CUL1: variants seen among roughly 807,000 people sequenced by gnomAD.
CUL1 encodes cullin 1.
Under a neutral mutation model 118.0 loss-of-function variants are expected in CUL1, and 24 were observed. That is an observed-to-expected ratio of 0.20 (90% CI 0.15 to 0.29). The LOEUF (loss-of-function observed/expected upper bound fraction) is 0.29, where lower values mean the gene tolerates loss of function less well. Ranked by LOEUF, CUL1 falls within the 10% of genes least tolerant of loss-of-function variation. The pLI is 1.00. For missense variants in CUL1, 361 were observed against 933.8 expected, an observed-to-expected ratio of 0.39 and a Z score of 7.99; for synonymous variants, 332 against 340.4, an observed-to-expected ratio of 0.98 and a Z score of 0.27.
intron 2 of CUL1, among the ~76,000 whole-genome samples, chr7:148,742,967 T>A (rs982199996): frequency 1.3e-5 from 2 of 152,238 alleles, no homozygotes; most frequent in African/African-American, 4.8e-5. Flanking sequence ...TTTTTAGCCT[T>A]ATTCTGCAAA....
intron 2 of CUL1, among the ~76,000 whole-genome samples, chr7:148,741,137 G>A (rs1799126002): frequency 6.6e-6 from 1 of 151,834 alleles, no homozygotes; most frequent in Non-Finnish European, 1.5e-5. Context: ...ACCACATTTT[G>A]TTTATCCATT....
At chr7:148,764,722 G>A (rs1013247134) in intron 7 of CUL1, among the ~76,000 whole-genome samples, 8 of 152,188 alleles carry the variant, frequency 5.3e-5, no homozygotes, top group Non-Finnish European at 1.2e-4. Flanking sequence ...TGGAACATTA[G>A]ATATAAAGCA....
At chr7:148,765,186 T>C (rs1241805285) in intron 7 of CUL1, among the ~76,000 whole-genome samples, 1 of 152,244 alleles carries the variant, frequency 6.6e-6, no homozygotes, top group African/African-American at 2.4e-5. Flanking sequence ...GGTTCTGACT[T>C]ACGTGGTTTA....
intron 3 of CUL1, among the ~76,000 whole-genome samples, chr7:148,756,677 G>T (rs1441557200): frequency 6.6e-6 from 1 of 151,972 alleles, no homozygotes; most frequent in African/African-American, 2.4e-5. Context: ...AGATGATTTT[G>T]TGGTATATTT....
intron 2 of CUL1, among the ~76,000 whole-genome samples, chr7:148,734,090 T>C (rs1185423005): frequency 1.3e-5 from 2 of 152,188 alleles, no homozygotes; most frequent in South Asian, 2.1e-4. Flanking sequence ...AGATCCACTT[T>C]AGTTAACTTG....
chr7:148,741,563 C>T lies in CUL1; in HGVS notation c.140+11301C>T, dbSNP rs138288659. On this transcript the variant is annotated intron_variant, in intron 2 of 21. Coordinates refer to ENST00000325222, the MANE Select transcript of CUL1 (RefSeq NM_003592.3). ...AAGCGATTCTCCTGCCTCAGCCTCC[C>T]GAGTAGCTGGAACCGCAGGTGTGCA... Among the ~76,000 whole-genome samples the T allele has an allele frequency of 9.9e-3, 1,508 of 152,068 alleles. 26 individuals are homozygous for T. The highest frequency in any genetic ancestry group is 0.034 in the African/African-American group (1,424 of 41,394).
chr7:148,761,590 T>G (rs576750284), intron 7 of CUL1, among the ~76,000 whole-genome samples: 1 of 152,214 alleles, frequency 6.6e-6, no homozygotes. Flanking sequence ...AGCAAACTTA[T>G]CTTGTAAAGG....
At chr7:148,792,918 T>C (rs1801066026) in intron 17 of CUL1, 100 bp downstream of exon 17, 1 of 773,792 alleles carries the variant, frequency 1.3e-6, no homozygotes. Context: ...GCATCTTTAA[T>C]TTGAAATAGA....
chr7:148,790,522 C>G, intron 16 of CUL1, 81 bp downstream of exon 16: 2 of 1,229,678 alleles, frequency 1.6e-6, no homozygotes, highest in Non-Finnish European at 2.3e-6. Context: ...TCAGCTGACT[C>G]AGCAGCAGAA....
intron 21 of CUL1, among the ~76,000 whole-genome samples, chr7:148,799,855 G>A (rs1801330281): frequency 6.6e-6 from 1 of 152,180 alleles, no homozygotes; most frequent in African/African-American, 2.4e-5. Flanking sequence ...GCACTGGGTC[G>A]TTTTTGTTGC....
At chr7:148,795,338 C>G (rs538485881) in intron 17 of CUL1, among the ~76,000 whole-genome samples, 1 of 151,408 alleles carries the variant, frequency 6.6e-6, no homozygotes, top group Non-Finnish European at 1.5e-5. Flanking sequence ...CACTGTGTTG[C>G]CCAGATTGGT....
chr7:148,767,974 T>A (rs1257800353), intron 9 of CUL1, among the ~76,000 whole-genome samples: 1 of 152,220 alleles, frequency 6.6e-6, no homozygotes, highest in East Asian at 1.9e-4. Flanking sequence ...TAATGTTATT[T>A]TTTTTTTCCT....
Position 148,764,058 on chromosome 7 carries a change from A to G in CUL1, c.790-2503A>G, listed in dbSNP as rs115990250. Reference sequence around the variant, plus strand: ...CATGCGATTGAGACTGATCTGAGCTACAGAAACTCTGTATGACTACTGTAG... The same window carrying G: ...CATGCGATTGAGACTGATCTGAGCTGCAGAAACTCTGTATGACTACTGTAG... On this transcript the variant is annotated intron_variant, in intron 7 of 21. Transcript: ENST00000325222. 6.5e-3 allele frequency among the ~76,000 whole-genome samples: 989 copies of G among 152,362 alleles called. 17 individuals carry two copies. Among genetic ancestry groups the G allele is most frequent in the African/African-American group, 0.022 (929 of 41,578 alleles).
At chr7:148,767,376 G>A (rs1459137797) in intron 8 of CUL1, among the ~76,000 whole-genome samples, 1 of 151,190 alleles carries the variant, frequency 6.6e-6, no homozygotes. Context: ...CACAGTAAGG[G>A]GGAAAATAAA....
chr7:148,753,478 A>T (rs943657967), intron 2 of CUL1, among the ~76,000 whole-genome samples: 1 of 86,620 alleles, frequency 1.2e-5, no homozygotes, highest in African/African-American at 3.0e-5. Context: ...TAAGTTTTAG[A>T]TGGCTATGAC....
chr7:148,724,455 G>A (rs927454390), intron 1 of CUL1, among the ~76,000 whole-genome samples: 74 of 152,348 alleles, frequency 4.9e-4, no homozygotes, highest in African/African-American at 1.7e-3. Context: ...GTCTGCACGC[G>A]TGTGTGTCTG....
intron 4 of CUL1, among the ~76,000 whole-genome samples, 174 bp from the exon 5 acceptor site, chr7:148,759,130 T>A (rs1361962317): frequency 6.6e-6 from 1 of 152,252 alleles, no homozygotes; most frequent in East Asian, 1.9e-4. Flanking sequence ...GGATACCTCT[T>A]GAAGTTGTTG....
At chr7:148,707,408 T>A (rs1797918331) in intron 1 of CUL1, among the ~76,000 whole-genome samples, 1 of 152,212 alleles carries the variant, frequency 6.6e-6, no homozygotes, top group African/African-American at 2.4e-5. Flanking sequence ...TTAAAAAAAT[T>A]TTAAAGCATA....
At position 148,759,342 on chromosome 7, in the gene CUL1, A is replaced by G. The variant is rs763377175; in HGVS notation, c.522A>G (p.Pro174=). ...CTTGGAGAGACTGTCTGTTCAGGCC[A>G]CTGAATAAACAGGTACCTACTGGTG... ...LVTWRDCLFR[P]LNKQVTNAVL... Residue 174 remains proline (P), a synonymous_variant, in exon 5 of 22, where the codon CCA becomes CCG. Coordinates refer to ENST00000325222, the MANE Select transcript of CUL1 (RefSeq NM_003592.3). The G allele has an allele frequency of 1.9e-6, 3 of 1,614,020 alleles. No individual in the cohort carries two copies. The highest frequency in any genetic ancestry group is 2.5e-6 in the Non-Finnish European group (3 of 1,179,908).
Sources: allele counts gnomAD v4.1 joint callset (sites outside exome capture counted in the v4.1 genomes callset), GRCh38; gene constraint gnomAD v4.1.1; transcripts MANE v1.5; gene names NCBI Gene and HGNC (gene_info 2026-07-23, HGNC 2026-07-21).